The following RYR2 variants were observed in gnomAD, a reference collection of about 807,000 sequenced individuals.
RYR2 encodes the protein cardiac muscle ryanodine receptor-calcium release channel.
Under a neutral mutation model 601.1 loss-of-function variants are expected in RYR2, and 227 were observed. The ratio of observed to expected loss-of-function variants is 0.38; its 90% CI spans 0.34 to 0.42. The LOEUF is 0.42. Among genes scored for constraint, RYR2 ranks in the 10% least tolerant of loss-of-function variants. The probability of loss-of-function intolerance (pLI) is 1.00; values close to 1 mark genes in which losing one functional copy is unlikely to be tolerated. For synonymous variants in RYR2, 2,223 were observed against 2,175.1 expected, an observed-to-expected ratio of 1.02 and a Z score of -0.61; for missense variants, 4,646 against 6,156.5, an observed-to-expected ratio of 0.75 and a Z score of 8.21.
chr1:237,167,266 A>G (rs1203434728), intron 1 of RYR2, among the ~76,000 whole-genome samples: 1 of 152,238 alleles, frequency 6.6e-6, no homozygotes, highest in Non-Finnish European at 1.5e-5. Flanking sequence ...GATTACAATC[A>G]AAGGAGTAGG....
At chr1:237,683,315 A>G (rs909085101) in intron 62 of RYR2, among the ~76,000 whole-genome samples, 1 of 152,220 alleles carries the variant, frequency 6.6e-6, no homozygotes, top group Admixed American at 6.5e-5. Context: ...TGGCACAAGA[A>G]ATTATTATAT....
intron 44 of RYR2, among the ~76,000 whole-genome samples, chr1:237,635,344 G>A (rs1680766952): frequency 6.6e-6 from 1 of 152,070 alleles, no homozygotes; most frequent in Non-Finnish European, 1.5e-5. Flanking sequence ...TTCTGTATCT[G>A]TATTCTTATG....
chr1:237,345,368 T>G (rs1698202493), intron 3 of RYR2, among the ~76,000 whole-genome samples: 1 of 151,986 alleles, frequency 6.6e-6, no homozygotes, highest in South Asian at 2.1e-4. Context: ...TGAAATTTAT[T>G]ATTCATAATA....
intron 2 of RYR2, among the ~76,000 whole-genome samples, chr1:237,281,620 GTTCC>G (rs1254981940): frequency 6.6e-6 from 1 of 152,208 alleles, no homozygotes; most frequent in Non-Finnish European, 1.5e-5. Flanking sequence ...GCCAGTTTTT[GTTCC>G]TTCCTTCTGC....
intron 10 of RYR2, 63 bp downstream of exon 10, chr1:237,388,246 A>G (rs1702104276): frequency 1.5e-6 from 2 of 1,359,478 alleles, no homozygotes; most frequent in African/African-American, 1.4e-5. Context: ...ATGTTTTAAA[A>G]ACTAGGGATC....
chr1:237,145,308 C>A (rs957276225), intron 1 of RYR2, among the ~76,000 whole-genome samples: 1 of 152,052 alleles, frequency 6.6e-6, no homozygotes, highest in Non-Finnish European at 1.5e-5. Flanking sequence ...TTCTAAGACA[C>A]CTATGTGGTT....
rs78853477 is a variant in RYR2 at position 237,052,198 on chromosome 1, G to A, written c.48+9629G>A. Among the ~76,000 whole-genome samples, 387 of 152,242 alleles carry A rather than the reference G, an allele frequency of 2.5e-3. 1 individual carries two copies. Among genetic ancestry groups the A allele is most frequent in the African/African-American group, 8.9e-3 (368 of 41,536 alleles). ...CATGAAGGTGGAAGCCATAGTTCCC[G>A]TAGAGTTCAGATGCTCAAACAGTGA... is the stretch of plus-strand genomic sequence containing the variant. On this transcript the variant is annotated intron_variant, in intron 1 of 104. Transcript: ENST00000366574.
chr1:237,809,988 C>T (rs1661086342), intron 100 of RYR2, among the ~76,000 whole-genome samples: 1 of 147,618 alleles, frequency 6.8e-6, no homozygotes, highest in Admixed American at 6.8e-5. Flanking sequence ...AAAATGGATG[C>T]CAACCTTGCT....
rs1675096533 is a variant in RYR2, at chr1:237,154,543, A to G, written c.48+111974A>G. 6.6e-5 allele frequency among the ~76,000 whole-genome samples: 10 copies of G among 152,254 alleles called. No homozygotes were observed. In the South Asian group the frequency reaches 2.1e-3, roughly 32 times the overall value. The stretch of plus-strand genomic sequence containing the variant: ...ACAATGTAGATTTTCAGGCAGGTGC[A>G]GTGGTGTGCCTGTAATCCCAGCTAC... On this transcript the variant is annotated intron_variant, in intron 1 of 104. Transcript: ENST00000366574.
At position 237,171,048 on chromosome 1, in the gene RYR2, C is replaced by T. The variant is rs375277425; in HGVS notation, c.49-99449C>T. ...GGGAGATCGAGACCATCCTGGCTAA[C>T]ACAGTGAAACCCCGTCTCTACTAAA... On this transcript the variant is annotated intron_variant, in intron 1 of 104. Transcript: ENST00000366574. Among the ~76,000 whole-genome samples the T allele has an allele frequency of 2.6e-4, 39 of 152,048 alleles. No individual in the cohort carries two copies. In the South Asian group the frequency reaches 7.9e-3, roughly 31 times the overall value.
At chr1:237,789,140 A>ATGTT (rs1170084135) in intron 92 of RYR2, among the ~76,000 whole-genome samples, 2 of 152,040 alleles carry the variant, frequency 1.3e-5, no homozygotes, top group East Asian at 1.9e-4. Context: ...CTGACCAGTG[A>ATGTT]TGTTAGACCT....
chr1:237,811,720 C>T (rs1661275092), intron 100 of RYR2, among the ~76,000 whole-genome samples: 1 of 152,174 alleles, frequency 6.6e-6, no homozygotes, highest in Non-Finnish European at 1.5e-5. Flanking sequence ...AAGCTTTCAA[C>T]TCATCCTTCC....
At chr1:237,368,038 C>T (rs1379410435) in intron 5 of RYR2, among the ~76,000 whole-genome samples, 1 of 151,966 alleles carries the variant, frequency 6.6e-6, no homozygotes, top group African/African-American at 2.4e-5. Context: ...CCTAGGGCTG[C>T]AGGAGGATGG....
At chr1:237,388,846 G>T (rs533649196) in intron 10 of RYR2, among the ~76,000 whole-genome samples, 114 of 152,250 alleles carry the variant, frequency 7.5e-4, no homozygotes, top group African/African-American at 2.5e-3. Flanking sequence ...GTGAGAGAAG[G>T]TACTGTGTGG....
intron 35 of RYR2, among the ~76,000 whole-genome samples, chr1:237,604,978 A>T (rs1238201790): frequency 6.6e-6 from 1 of 152,154 alleles, no homozygotes; most frequent in Non-Finnish European, 1.5e-5. Flanking sequence ...TTCACAGCCG[A>T]ATTCTACCAG....
chr1:237,723,803 G>C (rs1367517453), intron 74 of RYR2, among the ~76,000 whole-genome samples: 6 of 152,014 alleles, frequency 3.9e-5, no homozygotes, highest in Non-Finnish European at 1.5e-5. Context: ...TGTAAGAAAA[G>C]TGTTTTTATA....
At chr1:237,204,007 G>A (rs1681499280) in intron 1 of RYR2, among the ~76,000 whole-genome samples, 1 of 152,090 alleles carries the variant, frequency 6.6e-6, no homozygotes, top group Non-Finnish European at 1.5e-5. Flanking sequence ...ACCCATTCAT[G>A]TCATTGTTTT....
In RYR2 at chr1:237,498,151, C is replaced by A. The variant is rs184419504; in HGVS notation, c.2203+1399C>A. Among the ~76,000 whole-genome samples the A allele has an allele frequency of 1.8e-3, 269 of 152,092 alleles. 1 individual carries two copies. Among genetic ancestry groups the A allele is most frequent in the African/African-American group, 6.0e-3 (249 of 41,492 alleles). ...AAAGTGCTGGGATTACAAGTGTGAG[C>A]CACCGTACCCAGCCTCAATTTTTAA... is the stretch of plus-strand genomic sequence containing the variant. On this transcript the variant is annotated intron_variant, in intron 20 of 104. Coordinates refer to ENST00000366574, the MANE Select transcript of RYR2 (RefSeq NM_001035.3).
At position 237,566,713 on chromosome 1, in the gene RYR2, G is replaced by A. The variant is rs199682282; in HGVS notation, c.3361G>A (p.Gly1121Ser). Residue 1121 changes from glycine (G) to serine (S), a missense_variant, in exon 28 of 105, where the codon GGT (glycine) becomes AGT (serine). Around this residue, in one of 17 missense-constraint regions of RYR2, gnomAD observed 1,807 missense variants for 2,088.1 expected, o/e 0.87. Coordinates refer to ENST00000366574, the MANE Select transcript of RYR2 (RefSeq NM_001035.3). ...GDMRVGWSRP[G>S]CQPDQELGSD... is the part of the protein sequence containing the mutation. ...CATGAGGGTTGGTTGGAGTCGTCCT[G>A]GTTGTCAACCGGATCAGGAGCTTGG... 1.9e-6 allele frequency: 3 copies of A among 1,613,824 alleles called. No individual in the cohort carries two copies. Among genetic ancestry groups the A allele is most frequent in the South Asian group, 2.2e-5 (2 of 91,074 alleles).
Sources: gnomAD v4.1 joint callset for allele counts (sites outside exome capture counted in the v4.1 genomes callset) on GRCh38, gnomAD v4.1.1 for gene constraint, gnomAD v4.1.1 regional missense constraint, MANE v1.5 for transcripts, NCBI Gene and HGNC (gene_info 2026-07-23, HGNC 2026-07-21) for gene names.